The following GSE1 variants were observed in gnomAD, a reference collection of about 807,000 sequenced individuals.
GSE1 encodes the protein genetic suppressor element 1.
Under a neutral mutation model 112.6 loss-of-function variants are expected in GSE1, and 32 were observed. The ratio of observed to expected loss-of-function variants is 0.28; its 90% CI spans 0.21 to 0.38. The LOEUF (loss-of-function observed/expected upper bound fraction) is 0.38. GSE1 is among the 10% of genes least tolerant of loss of function. The probability of loss-of-function intolerance (pLI) is 1.00; values close to 1 mark genes in which losing one functional copy is unlikely to be tolerated. For synonymous variants in GSE1, 1,115 were observed against 735.6 expected, an observed-to-expected ratio of 1.52 and a Z score of -8.35; for missense variants, 2,348 against 1,699.2, an observed-to-expected ratio of 1.38 and a Z score of -6.71.
rs1327431771 is a variant in GSE1, at chr16:85,674,842, C to G, written c.*2303C>G. On this transcript the variant is annotated 3_prime_UTR_variant, in exon 16 of 16. Coordinates refer to ENST00000253458, the MANE Select transcript of GSE1 (RefSeq NM_014615.5). ...CTGTCAGTGGAAACCCCACTTCTGC[C>G]CGGCCCTTGAGCTTCTTGCCCACTG... 2.0e-5 allele frequency: 3 copies of G among 152,642 alleles called. No individual in the cohort carries two copies. The highest frequency in any genetic ancestry group is 4.4e-5 in the Non-Finnish European group (3 of 68,070). 9.5% of individuals were successfully genotyped at this position (152,642 alleles called of 1,614,324 possible). A position where few individuals can be genotyped will look rare whatever the true frequency, so the allele number is the denominator to read the frequency against.
chr16:85,421,199 C>T (rs951629235), intron 2 of GSE1, among the ~76,000 whole-genome samples: 5 of 152,268 alleles, frequency 3.3e-5, no homozygotes, highest in South Asian at 2.1e-4. Flanking sequence ...TGCAAGCAGG[C>T]ACCCTCCTGT....
chr16:85,496,477 C>A (rs2051181438), intron 2 of GSE1, among the ~76,000 whole-genome samples: 1 of 152,220 alleles, frequency 6.6e-6, no homozygotes, highest in African/African-American at 2.4e-5. Context: ...GCAAAGGGTG[C>A]TGGCGAGGCG....
intron 2 of GSE1, among the ~76,000 whole-genome samples, chr16:85,484,811 T>C (rs1212265206): frequency 2.0e-5 from 3 of 152,216 alleles, no homozygotes; most frequent in Non-Finnish European, 4.4e-5. Flanking sequence ...CCCTCTTCTG[T>C]AGCCAGCTCC....
intron 2 of GSE1, among the ~76,000 whole-genome samples, chr16:85,511,298 G>A (rs532850728): frequency 2.2e-4 from 34 of 152,310 alleles, no homozygotes; most frequent in East Asian, 5.8e-4. Flanking sequence ...AGGCCAAGGC[G>A]GGTGGATCAC....
intron 1 of GSE1, among the ~76,000 whole-genome samples, chr16:85,348,494 T>A (rs1567704409): frequency 6.6e-6 from 1 of 152,166 alleles, no homozygotes; most frequent in Non-Finnish European, 1.5e-5. Flanking sequence ...TCTTTCTTGG[T>A]CACCCGGCTG....
At chr16:85,244,419 G>C (rs1198335519) in intron 1 of GSE1, among the ~76,000 whole-genome samples, 1 of 152,188 alleles carries the variant, frequency 6.6e-6, no homozygotes, top group Non-Finnish European at 1.5e-5. Context: ...CTTGATTTTA[G>C]CCCAGGAGAC....
At chr16:85,302,652 G>T (rs900879566) in intron 1 of GSE1, among the ~76,000 whole-genome samples, 2 of 152,186 alleles carry the variant, frequency 1.3e-5, no homozygotes, top group Non-Finnish European at 2.9e-5. Flanking sequence ...CATCCCCAGA[G>T]CCTCTGAATC....
chr16:85,369,525 C>T (rs2047251358), intron 2 of GSE1, among the ~76,000 whole-genome samples: 3 of 152,062 alleles, frequency 2.0e-5, no homozygotes, highest in African/African-American at 7.2e-5. Context: ...CCCACTTGCT[C>T]CTGTTCTCAC....
At chr16:85,403,426 G>A (rs2048166568) in intron 2 of GSE1, among the ~76,000 whole-genome samples, 1 of 152,180 alleles carries the variant, frequency 6.6e-6, no homozygotes, top group Non-Finnish European at 1.5e-5. Context: ...AGTGTTCGGA[G>A]AATGAGGGTC....
intron 1 of GSE1, among the ~76,000 whole-genome samples, chr16:85,308,276 CTACTCCCACCATTCTGTGGACACCGAG>C (rs1427468200): frequency 5.7e-4 from 87 of 152,292 alleles, no homozygotes; most frequent in African/African-American, 1.7e-3. Flanking sequence ...GAAAGGATGA[CTACTCCCACCATTCTGTGGACACCGAG>C]TCCAGCCTCC....
rs756191447 is a variant in GSE1 at position 85,655,828 on chromosome 16, C to T, written c.900C>T (p.His300=). 1.2e-6 allele frequency: 2 copies of T among 1,611,064 alleles called. No homozygotes were observed. Among genetic ancestry groups the T allele is most frequent in the Admixed American group, 1.7e-5 (1 of 59,998 alleles). ...PPLHPSAMHL[H]LSGVRYPPEL... ...TGCACCCATCAGCGATGCACCTGCACCTCTCTGGGGTCCGCTACCCTCCCG... is the reference window on the plus strand; with the variant it reads ...TGCACCCATCAGCGATGCACCTGCATCTCTCTGGGGTCCGCTACCCTCCCG... Residue 300 remains histidine (H), a synonymous_variant, in exon 6 of 16, where the codon CAC becomes CAT. Coordinates refer to ENST00000253458, the MANE Select transcript of GSE1 (RefSeq NM_014615.5).
intron 2 of GSE1, among the ~76,000 whole-genome samples, chr16:85,360,756 A>G (rs2047052313): frequency 6.6e-6 from 1 of 152,022 alleles, no homozygotes; most frequent in African/African-American, 2.4e-5. Flanking sequence ...GACATGGCAT[A>G]GGCACGGGTG....
At chr16:85,263,028 G>A (rs550023107) in intron 1 of GSE1, among the ~76,000 whole-genome samples, 4 of 152,312 alleles carry the variant, frequency 2.6e-5, no homozygotes, top group South Asian at 2.1e-4. Flanking sequence ...AATAACACAC[G>A]GATCCCACAG....
chr16:85,477,298 C>T (rs2050488909), intron 2 of GSE1, among the ~76,000 whole-genome samples: 1 of 152,170 alleles, frequency 6.6e-6, no homozygotes, highest in South Asian at 2.1e-4. Flanking sequence ...AACACGTATA[C>T]AGGAGCTGCT....
intron 2 of GSE1, among the ~76,000 whole-genome samples, chr16:85,501,734 C>T (rs2151913851): frequency 6.6e-6 from 1 of 152,332 alleles, no homozygotes; most frequent in South Asian, 2.1e-4. Context: ...GTTCAGCCCA[C>T]AACACCCCCT....
At chr16:85,562,389 GT>G (rs942510261) in intron 1 of GSE1, among the ~76,000 whole-genome samples, 2 of 150,866 alleles carry the variant, frequency 1.3e-5, no homozygotes, top group African/African-American at 2.4e-5. Flanking sequence ...TCTCATTAAG[GT>G]TTTTTTCTTG....
In GSE1 at chr16:85,666,087, C is replaced by CCCAGGAGCTGTCGAGAGT. The variant is rs777740411; in HGVS notation, c.2880_2897dup (p.Ser961_Leu966dup). 3 of 1,613,252 alleles carry CCCAGGAGCTGTCGAGAGT rather than the reference C, an allele frequency of 1.9e-6. No homozygotes were observed. The highest frequency in any genetic ancestry group is 3.3e-5 in the Admixed American group (2 of 59,998). On this transcript the variant is annotated inframe_insertion, in exon 13 of 16. Coordinates refer to ENST00000253458, the MANE Select transcript of GSE1 (RefSeq NM_014615.5). ...CCTGGGAAGCTGGAACAGGTCCGGCCCCAGGAGCTGTCGAGAGTCCAGGAG... is the reference window on the plus strand; with the variant it reads ...CCTGGGAAGCTGGAACAGGTCCGGCCCCAGGAGCTGTCGAGAGTCCAGGAGCTGTCGAGAGTCCAGGAG...
In GSE1 at chr16:85,657,397, C is replaced by T. The variant is rs758274234; in HGVS notation, c.1433C>T (p.Pro478Leu). The T allele has an allele frequency of 2.5e-6, 4 of 1,612,774 alleles. No homozygotes were observed. The highest frequency in any genetic ancestry group is 2.2e-5 in the East Asian group (1 of 44,868). ...TCCAACCATGGCATCTTCTCTCTGC[C>T]TAGCAGCAGTGCTGCCACAGCCCTG... ...LISNHGIFSL[P>L]SSSAATALLI... is the part of the protein sequence containing the mutation. Residue 478 changes from proline to leucine, a missense_variant, in exon 8 of 16, where the codon CCT (proline) becomes CTT (leucine). Pro to Leu is a moderately conservative substitution (Grantham distance 98). Coordinates refer to ENST00000253458, the MANE Select transcript of GSE1 (RefSeq NM_014615.5).
At chr16:85,566,056 G>A (rs77262843) in intron 1 of GSE1, among the ~76,000 whole-genome samples, 11,615 of 152,124 alleles carry the variant, frequency 0.076, 484 homozygotes, top group Middle Eastern at 0.12. Context: ...GGCCAGTAGC[G>A]GAGCCTGCCT....
Sources: gnomAD v4.1 joint callset for allele counts (sites outside exome capture counted in the v4.1 genomes callset) on GRCh38, gnomAD v4.1.1 for gene constraint, MANE v1.5 for transcripts, NCBI Gene and HGNC (gene_info 2026-07-23, HGNC 2026-07-21) for gene names.